RAB9B: variants seen among roughly 807,000 people sequenced by gnomAD.
The protein encoded by RAB9B is ras-related protein Rab-9B.
In RAB9B, 1 loss-of-function variant was observed where a neutral mutation model predicts 8.9. The ratio of observed to expected loss-of-function variants is 0.11; its 90% CI spans 0.04 to 0.53. The LOEUF (loss-of-function observed/expected upper bound fraction) is 0.53, where lower values mean the gene tolerates loss of function less well. RAB9B is among the 20% of genes least tolerant of loss of function. The probability of loss-of-function intolerance (pLI) is 0.93; values close to 1 mark genes in which losing one functional copy is unlikely to be tolerated. For synonymous variants in RAB9B, 63 were observed against 57.0 expected (o/e 1.10, Z -0.47); for missense variants, 82 against 152.9 (o/e 0.54, Z 2.45).
chrX:103,781,096 A>G, the RAB9B span: 1 of 219,091 alleles, frequency 4.6e-6, no homozygotes. Flanking sequence ...GCAGGGTACA[A>G]TTGGTCTCTT....
the RAB9B span, among the ~76,000 whole-genome samples, chrX:103,807,470 C>A: frequency 8.9e-6 from 1 of 112,080 alleles, no homozygotes; most frequent in African/African-American, 3.2e-5. Context: ...TCACCTCTCT[C>A]TACTGCTGTC....
the RAB9B span, chrX:103,790,606 T>G: frequency 8.5e-7 from 1 of 1,174,011 alleles, no homozygotes; most frequent in Non-Finnish European, 1.2e-6. Flanking sequence ...TGATCCCCCG[T>G]AGAAATCCCC....
downstream of RAB9B, among the ~76,000 whole-genome samples, chrX:103,817,673 G>T (rs762953148): frequency 2.7e-5 from 3 of 109,369 alleles, no homozygotes; most frequent in Admixed American, 3.0e-4. Flanking sequence ...GGTCTTTATT[G>T]CCCCCTTGTG....
the RAB9B span, among the ~76,000 whole-genome samples, chrX:103,795,975 C>T: frequency 8.9e-6 from 1 of 112,135 alleles, no homozygotes; most frequent in Non-Finnish European, 1.9e-5. Context: ...ATATATTCTG[C>T]AGCTGGCTTA....
chrX:103,789,861 G>A, the RAB9B span, among the ~76,000 whole-genome samples: 1 of 111,416 alleles, frequency 9.0e-6, no homozygotes, highest in African/African-American at 3.3e-5. Flanking sequence ...AATACTGGGA[G>A]GACCTCCTAA....
Position 103,825,389 on chromosome X carries a change from T to G in RAB9B, c.396A>C (p.Gln132His). 1 of 1,211,926 alleles carries G rather than the reference T, an allele frequency of 8.3e-7. No individual in the cohort carries two copies. Among genetic ancestry groups the G allele is most frequent in the South Asian group, 1.8e-5 (1 of 56,985 alleles). ...AGGTTTGTGCCTCCTCAGTAGTCAC[T>G]TGCCTATCCTCTTTGTCTACCTTGT... ...LGNKVDKEDR[Q>H]VTTEEAQTWC... Residue 132 changes from glutamine to histidine, a missense_variant, in exon 3 of 3, where the codon CAA becomes CAC. By Grantham distance (24) the Gln-to-His change is conservative. Transcript: ENST00000243298.
At chrX:103,786,421 A>G in the RAB9B span, 6 of 1,183,801 alleles carry the variant, frequency 5.1e-6, no homozygotes, top group Non-Finnish European at 6.9e-6. Context: ...CAGGTCTTCA[A>G]TTAATAAGAT....
At chrX:103,788,788 A>T in the RAB9B span, 1 of 363,920 alleles carries the variant, frequency 2.7e-6, no homozygotes, top group Non-Finnish European at 4.8e-6. Flanking sequence ...CTAATGGCAA[A>T]ATCCCCCACA....
chrX:103,796,751 C>T, the RAB9B span, among the ~76,000 whole-genome samples: 2 of 101,628 alleles, frequency 2.0e-5, no homozygotes, highest in African/African-American at 3.6e-5. Context: ...AGCTGAATCC[C>T]GGTATTTGTC....
At chrX:103,790,631 G>A in the RAB9B span, 68 of 1,058,903 alleles carry the variant, frequency 6.4e-5, no homozygotes, top group Non-Finnish European at 8.8e-5. Flanking sequence ...CTCTAATAGC[G>A]AGGCTCTAAC....
the RAB9B span, among the ~76,000 whole-genome samples, chrX:103,802,220 CAG>C: frequency 1.6e-4 from 14 of 85,143 alleles, no homozygotes; most frequent in South Asian, 6.1e-4. Flanking sequence ...GAGAGAGAGA[CAG>C]AGAGAGAGAG....
the RAB9B span, chrX:103,787,720 C>G: frequency 2.3e-6 from 2 of 881,977 alleles, no homozygotes; most frequent in Non-Finnish European, 3.4e-6. Flanking sequence ...GCACACGCCA[C>G]TCCAGGATCT....
At chrX:103,831,616 A>G (rs970680858) in intron 1 of RAB9B, among the ~76,000 whole-genome samples, 4 of 105,872 alleles carry the variant, frequency 3.8e-5, no homozygotes, top group Admixed American at 3.1e-4. Context: ...AGCGAGCTGA[A>G]CACAAGGAAA....
the RAB9B span, among the ~76,000 whole-genome samples, chrX:103,800,071 A>G: frequency 3.8e-5 from 4 of 104,783 alleles, no homozygotes; most frequent in African/African-American, 1.4e-4. Flanking sequence ...TATTTTTACT[A>G]AATTGCTCTG....
At chrX:103,794,041 C>T in the RAB9B span, among the ~76,000 whole-genome samples, 7 of 111,485 alleles carry the variant, frequency 6.3e-5, no homozygotes, top group African/African-American at 2.3e-4. Flanking sequence ...TGTGTTAAAC[C>T]CCAGGAAGTT....
chrX:103,797,156 C>T, the RAB9B span, among the ~76,000 whole-genome samples: 3 of 104,774 alleles, frequency 2.9e-5, no homozygotes, highest in African/African-American at 1.1e-4. Context: ...GGCACCGTCT[C>T]GGTTCACTAC....
chrX:103,819,999 C>T (rs1207269972), downstream of RAB9B, among the ~76,000 whole-genome samples: 1 of 111,932 alleles, frequency 8.9e-6, no homozygotes, highest in Non-Finnish European at 1.9e-5. Flanking sequence ...GTGAAGCCCT[C>T]ATAAATGGGA....
the RAB9B span, among the ~76,000 whole-genome samples, chrX:103,808,375 T>A: frequency 8.9e-6 from 1 of 111,884 alleles, no homozygotes; most frequent in African/African-American, 3.3e-5. Flanking sequence ...CAGCTACTGG[T>A]CTCTCATCAG....
the RAB9B span, among the ~76,000 whole-genome samples, chrX:103,808,458 C>A: frequency 8.9e-6 from 1 of 112,443 alleles, no homozygotes; most frequent in South Asian, 3.7e-4. Flanking sequence ...AGGAATGTGA[C>A]ATTCTGGCCA....
Sources: gnomAD v4.1 joint callset for allele counts (sites outside exome capture counted in the v4.1 genomes callset) on GRCh38, gnomAD v4.1.1 for gene constraint, MANE v1.5 for transcripts, NCBI Gene and HGNC (gene_info 2026-07-23, HGNC 2026-07-21) for gene names.